The following KIAA0586 variants were observed in gnomAD, a reference collection of about 807,000 sequenced individuals.
KIAA0586 encodes protein TALPID3.
Under a neutral mutation model 169.8 loss-of-function variants are expected in KIAA0586, and 144 were observed. That is an observed-to-expected ratio of 0.85 (90% CI 0.74 to 0.97). KIAA0586 has a LOEUF of 0.97. Ranked by LOEUF, KIAA0586 falls within the 50% of genes least tolerant of loss-of-function variation. KIAA0586 has a pLI of 0.00. For synonymous variants in KIAA0586, 625 were observed against 612.4 expected, an observed-to-expected ratio of 1.02 and a Z score of -0.30; for missense variants, 1,854 against 1,823.0, an observed-to-expected ratio of 1.02 and a Z score of -0.31.
At chr14:58,521,453 T>C (rs2045219816) in intron 29 of KIAA0586, 2 of 766,654 alleles carry the variant, frequency 2.6e-6, no homozygotes, top group Non-Finnish European at 4.7e-6. Flanking sequence ...TCTTTTGACT[T>C]GGACCATGAC....
the KIAA0586 span, among the ~76,000 whole-genome samples, chr14:58,560,798 A>G: frequency 6.6e-6 from 1 of 152,204 alleles, no homozygotes; most frequent in African/African-American, 2.4e-5. Context: ...CCCTTTTAAT[A>G]AGAATCTTTC....
rs2139877417 is a variant in KIAA0586 at position 58,521,319 on chromosome 14, G to A, written c.4429+8692G>A. 6.5e-6 allele frequency: 7 copies of A among 1,084,744 alleles called. No homozygotes were observed. The East Asian group carries it at 1.8e-4, about 28-fold the overall frequency. The allele number at this position is 1,084,744 out of a possible 1,614,324, so 67.2% of individuals were successfully genotyped here. A position where few individuals can be genotyped will look rare whatever the true frequency, so the allele number is the denominator to read the frequency against. ...CACTCTTGTGCTCCAGAAATCTGAT[G>A]TGGAGGCAGTCTTTTCAAAGTATTG... is the stretch of plus-strand genomic sequence containing the variant. On this transcript the variant is annotated intron_variant, in intron 29 of 30. Coordinates refer to ENST00000652326, the MANE Select transcript of KIAA0586 (RefSeq NM_001329943.3).
chr14:58,528,294 A>G lies in KIAA0586; in HGVS notation c.4430-11777A>G, dbSNP rs112377798. ...CCCACTGTCAATATTAGACAGAACA[A>G]TGAGACAGAAAATTAACAAGGATAA... On this transcript the variant is annotated intron_variant, in intron 29 of 30. Transcript: ENST00000652326. Among the ~76,000 whole-genome samples the G allele has an allele frequency of 3.7e-4, 56 of 152,304 alleles. 1 individual carries two copies. The highest frequency in any genetic ancestry group is 1.2e-3 in the African/African-American group (51 of 41,572).
intron 29 of KIAA0586, among the ~76,000 whole-genome samples, chr14:58,519,235 G>T (rs1308721134): frequency 6.6e-6 from 1 of 152,156 alleles, no homozygotes; most frequent in Admixed American, 6.5e-5. Flanking sequence ...ACCATGCCAT[G>T]CAGGTAGTTT....
chr14:58,494,796 C>A (rs1404751982), intron 26 of KIAA0586, among the ~76,000 whole-genome samples: 1 of 152,108 alleles, frequency 6.6e-6, no homozygotes, highest in Admixed American at 6.6e-5. Flanking sequence ...GGACAGATTT[C>A]ATCTATAGTT....
At chr14:58,432,365 AT>A in intron 3 of KIAA0586, 22 bp from the exon 4 acceptor site, 1 of 1,392,704 alleles carries the variant, frequency 7.2e-7, no homozygotes, top group Non-Finnish European at 9.8e-7. Context: ...TTTAATATAT[AT>A]TTTTGTGTCT....
chr14:58,498,697 G>A (rs2043338905), intron 26 of KIAA0586, 86 bp from the exon 27 acceptor site: 1 of 1,142,502 alleles, frequency 8.8e-7, no homozygotes, highest in Non-Finnish European at 1.2e-6. Flanking sequence ...GAGTCAAAGG[G>A]TATTGTTCAT....
intron 29 of KIAA0586, among the ~76,000 whole-genome samples, chr14:58,516,451 C>A (rs1281901343): frequency 6.6e-6 from 1 of 152,184 alleles, no homozygotes; most frequent in Admixed American, 6.5e-5. Flanking sequence ...AGGAAATAGT[C>A]TTGGTCCCAC....
intron 29 of KIAA0586, among the ~76,000 whole-genome samples, chr14:58,538,933 C>T: frequency 6.6e-6 from 1 of 152,260 alleles, no homozygotes; most frequent in South Asian, 2.1e-4. Flanking sequence ...GCGCGAGCCA[C>T]CACACCTGGC....
In KIAA0586 at chr14:58,498,683, C is replaced by G. The variant is rs977319119; in HGVS notation, c.3991-100C>G. Reference sequence around the variant, plus strand: ...AGAAGGCAGTTTGTAAAATACCTTCCAAGGAGTCAAAGGGTATTGTTCATG... The same window carrying G: ...AGAAGGCAGTTTGTAAAATACCTTCGAAGGAGTCAAAGGGTATTGTTCATG... On this transcript the variant is annotated intron_variant, in intron 26 of 30. Coordinates refer to ENST00000652326, the MANE Select transcript of KIAA0586 (RefSeq NM_001329943.3). 8 of 981,120 alleles carry G rather than the reference C, an allele frequency of 8.2e-6. No individual in the cohort carries two copies. In the Admixed American group the frequency reaches 2.7e-4, roughly 33 times the overall value. The allele number at this position is 981,120 out of a possible 1,614,324, so 60.8% of individuals were successfully genotyped here. A position where few individuals can be genotyped will look rare whatever the true frequency, so the allele number is the denominator to read the frequency against.
intron 30 of KIAA0586, among the ~76,000 whole-genome samples, chr14:58,540,658 G>T (rs553313449): frequency 6.6e-6 from 1 of 152,200 alleles, no homozygotes; most frequent in Admixed American, 6.5e-5. Flanking sequence ...ATAAGCATTT[G>T]TCAACTCATT....
At chr14:58,485,934 A>T (rs1294502641) in intron 21 of KIAA0586, among the ~76,000 whole-genome samples, 1 of 151,996 alleles carries the variant, frequency 6.6e-6, no homozygotes, top group East Asian at 1.9e-4. Context: ...ACTGGGTTTG[A>T]TCATCAGCTT....
At chr14:58,514,640 T>A (rs2044625074) in intron 29 of KIAA0586, among the ~76,000 whole-genome samples, 1 of 152,006 alleles carries the variant, frequency 6.6e-6, no homozygotes, top group Non-Finnish European at 1.5e-5. Flanking sequence ...TTTTCCACCT[T>A]GATTATTACT....
intron 13 of KIAA0586, 73 bp downstream of exon 13, chr14:58,460,143 T>C: frequency 1.2e-6 from 1 of 868,548 alleles, no homozygotes. Context: ...AGATAAATAA[T>C]GAAGCGAATG....
chr14:58,440,067 TAG>T, intron 4 of KIAA0586: 3 of 224,588 alleles, frequency 1.3e-5, no homozygotes, highest in South Asian at 4.2e-5. Flanking sequence ...TTTTTTTTTC[TAG>T]AGACAGGGTT....
the KIAA0586 span, among the ~76,000 whole-genome samples, chr14:58,561,492 CCTA>C: frequency 6.6e-6 from 1 of 152,130 alleles, no homozygotes; most frequent in African/African-American, 2.4e-5. Context: ...TTCTTTGCCA[CCTA>C]TTTTTCCAAT....
intron 29 of KIAA0586, among the ~76,000 whole-genome samples, chr14:58,523,264 G>C (rs1004521326): frequency 1.3e-5 from 2 of 151,952 alleles, no homozygotes; most frequent in African/African-American, 2.4e-5. Flanking sequence ...GAAATTATTT[G>C]ATTTCCTTTT....
rs986835488 is a variant in KIAA0586, at chr14:58,551,259, A to G, written c.*3327A>G. The G allele has an allele frequency of 1.3e-5, 2 of 152,224 alleles. No individual in the cohort carries two copies. Among genetic ancestry groups the G allele is most frequent in the Non-Finnish European group, 2.9e-5 (2 of 68,042 alleles). 9.4% of individuals were successfully genotyped at this position (152,224 alleles called of 1,614,324 possible). A position where few individuals can be genotyped will look rare whatever the true frequency, so the allele number is the denominator to read the frequency against. On this transcript the variant is annotated 3_prime_UTR_variant, in exon 31 of 31. Transcript: ENST00000652326. ...CTAAATTCGTTCTTTGTATACTTTA[A>G]TAGAATCTTGAATAAATATTTTTAT...
rs2140886196 is a variant in KIAA0586 at position 58,461,029 on chromosome 14, T to C, written c.1928T>C (p.Met643Thr). 6.2e-7 allele frequency: 1 copy of C among 1,611,324 alleles called. No homozygotes were observed. The highest frequency in any genetic ancestry group is 1.3e-5 in the African/African-American group (1 of 74,822). ...ATTVIQDEDY[M>T]LQVYGKPVYQ... ...ACAGTAATACAAGATGAAGATTATA[T>C]GTTACAAGTCTATGGAAAGCCAGTT... The change falls in exon 14 of 31, where the codon ATG becomes ACG. Residue 643 changes from methionine (M) to threonine (T), a missense_variant. Coordinates refer to ENST00000652326, the MANE Select transcript of KIAA0586 (RefSeq NM_001329943.3).
Sources: gnomAD v4.1 joint callset for allele counts (sites outside exome capture counted in the v4.1 genomes callset) on GRCh38, gnomAD v4.1.1 for gene constraint, MANE v1.5 for transcripts, NCBI Gene and HGNC (gene_info 2026-07-23, HGNC 2026-07-21) for gene names.